The following MACROD2 variants were observed in gnomAD, a reference collection of about 807,000 sequenced individuals.
MACROD2 encodes mono-ADP ribosylhydrolase 2, also known as ADP-ribose glycohydrolase MACROD2.
In MACROD2, 36 loss-of-function variants were observed where a neutral mutation model predicts 70.4. The ratio of observed to expected loss-of-function variants is 0.51; its 90% CI spans 0.39 to 0.68. The LOEUF (loss-of-function observed/expected upper bound fraction) is 0.68, where lower values mean the gene tolerates loss of function less well. Among genes scored for constraint, MACROD2 ranks in the 30% least tolerant of loss-of-function variants. MACROD2 has a pLI of 0.00. For synonymous variants in MACROD2, 172 were observed against 178.8 expected (o/e 0.96, Z 0.30); for missense variants, 496 against 538.4 (o/e 0.92, Z 0.78).
intron 4 of MACROD2, among the ~76,000 whole-genome samples, chr20:14,615,147 G>A (rs932549348): frequency 3.9e-5 from 6 of 152,090 alleles, no homozygotes; most frequent in Non-Finnish European, 8.8e-5. Flanking sequence ...CTTAAGTTGG[G>A]CTGCAGGGGG....
At chr20:14,456,793 T>C (rs1330266092) in intron 3 of MACROD2, among the ~76,000 whole-genome samples, 2 of 138,796 alleles carry the variant, frequency 1.4e-5, no homozygotes, top group Non-Finnish European at 3.0e-5. Flanking sequence ...CTCGGCTCAA[T>C]GCAAGCCCCG....
chr20:14,115,743 C>T (rs897832131), intron 3 of MACROD2, among the ~76,000 whole-genome samples: 1 of 151,980 alleles, frequency 6.6e-6, no homozygotes, highest in Non-Finnish European at 1.5e-5. Context: ...ATTTTTTCTT[C>T]AGTGCTGCAT....
Position 15,416,388 on chromosome 20 carries a change from T to C in MACROD2, c.541-15017T>C, listed in dbSNP as rs1183006641. On this transcript the variant is annotated intron_variant, in intron 6 of 17. Transcript: ENST00000684519. Reference sequence around the variant, plus strand: ...TAATTCCCTTGTTAAATATAAAGTGTGCATTAGCCTTGACTGATGTCTTCC... The same window carrying C: ...TAATTCCCTTGTTAAATATAAAGTGCGCATTAGCCTTGACTGATGTCTTCC... Among the ~76,000 whole-genome samples the C allele has an allele frequency of 2.6e-5, 4 of 152,224 alleles. No individual in the cohort carries two copies. In the East Asian group the frequency reaches 7.7e-4, roughly 29 times the overall value.
intron 12 of MACROD2, among the ~76,000 whole-genome samples, chr20:15,965,220 A>T (rs1366895066): frequency 6.6e-6 from 1 of 152,238 alleles, no homozygotes; most frequent in Non-Finnish European, 1.5e-5. Context: ...GTAGAAACAT[A>T]TCAGAAGGTG....
chr20:14,099,628 A>G (rs564158058), intron 3 of MACROD2, among the ~76,000 whole-genome samples: 20 of 152,268 alleles, frequency 1.3e-4, no homozygotes, highest in South Asian at 1.0e-3. Flanking sequence ...TAGTACTGCA[A>G]TGAACATGGT....
At chr20:14,550,373 C>G (rs968343144) in intron 4 of MACROD2, among the ~76,000 whole-genome samples, 6 of 152,060 alleles carry the variant, frequency 3.9e-5, no homozygotes, top group Non-Finnish European at 7.4e-5. Flanking sequence ...TTGTGTCCCT[C>G]TGAAAATTTT....
At chr20:14,412,482 AG>A (rs2083760545) in intron 3 of MACROD2, among the ~76,000 whole-genome samples, 1 of 152,300 alleles carries the variant, frequency 6.6e-6, no homozygotes, top group Admixed American at 6.5e-5. Context: ...CCCTAGGAGC[AG>A]TTACAGACGT....
chr20:14,818,977 A>C (rs2072807103), intron 5 of MACROD2, among the ~76,000 whole-genome samples: 2 of 151,654 alleles, frequency 1.3e-5, no homozygotes. Context: ...CTAAAATCAC[A>C]AGCTTGGCTG....
At chr20:14,854,077 C>T (rs950893176) in intron 5 of MACROD2, among the ~76,000 whole-genome samples, 2 of 152,040 alleles carry the variant, frequency 1.3e-5, no homozygotes, top group Non-Finnish European at 2.9e-5. Context: ...TTTTAACCTG[C>T]TCCATGACCC....
intron 6 of MACROD2, among the ~76,000 whole-genome samples, chr20:15,401,640 A>T (rs929273088): frequency 4.6e-5 from 7 of 152,232 alleles, no homozygotes; most frequent in Non-Finnish European, 1.0e-4. Flanking sequence ...GGCTGTTAAG[A>T]GGATTAAATT....
At chr20:14,556,967 A>G (rs575334474) in intron 4 of MACROD2, among the ~76,000 whole-genome samples, 3 of 152,120 alleles carry the variant, frequency 2.0e-5, no homozygotes, top group South Asian at 4.1e-4. Context: ...AGATTTTCTG[A>G]TTTTAAAACT....
chr20:14,809,650 T>G (rs1201193625), intron 5 of MACROD2, among the ~76,000 whole-genome samples: 1 of 151,904 alleles, frequency 6.6e-6, no homozygotes, highest in Admixed American at 6.6e-5. Context: ...ATCCAGGAGC[T>G]CATTTTTTTG....
intron 8 of MACROD2, among the ~76,000 whole-genome samples, chr20:15,673,213 C>T (rs2050006916): frequency 6.6e-6 from 1 of 152,188 alleles, no homozygotes; most frequent in South Asian, 2.1e-4. Context: ...ATCCTTCTGA[C>T]ATTTGATTCT....
At chr20:14,944,865 G>T (rs1357971254) in intron 5 of MACROD2, among the ~76,000 whole-genome samples, 3 of 152,018 alleles carry the variant, frequency 2.0e-5, no homozygotes, top group Non-Finnish European at 4.4e-5. Context: ...CCTTCTGCCT[G>T]CCCGTCCCAC....
intron 5 of MACROD2, among the ~76,000 whole-genome samples, chr20:14,882,965 T>A (rs1301364732): frequency 6.6e-6 from 1 of 152,138 alleles, no homozygotes; most frequent in African/African-American, 2.4e-5. Context: ...GTGGTGAGAA[T>A]GGCCACATTT....
chr20:14,735,223 A>G (rs1178628718), intron 5 of MACROD2, among the ~76,000 whole-genome samples: 1 of 152,184 alleles, frequency 6.6e-6, no homozygotes, highest in Non-Finnish European at 1.5e-5. Context: ...GAGAGAAAAT[A>G]TTTGCCTGTC....
At chr20:14,806,646 A>G (rs1301976702) in intron 5 of MACROD2, among the ~76,000 whole-genome samples, 1 of 152,110 alleles carries the variant, frequency 6.6e-6, no homozygotes, top group Non-Finnish European at 1.5e-5. Flanking sequence ...GGTCTTGCTC[A>G]GTGGATCCCA....
intron 5 of MACROD2, among the ~76,000 whole-genome samples, chr20:15,143,261 A>C (rs1252503945): frequency 1.3e-5 from 2 of 152,178 alleles, no homozygotes; most frequent in African/African-American, 4.8e-5. Context: ...TCTGATGGCC[A>C]GTGATGATGA....
At chr20:15,090,889 TA>T (rs1429324097) in intron 5 of MACROD2, among the ~76,000 whole-genome samples, 6 of 152,094 alleles carry the variant, frequency 3.9e-5, no homozygotes, top group Non-Finnish European at 4.4e-5. Flanking sequence ...ATCATTGTCA[TA>T]TAAGTGGCTG....
Sources: allele counts gnomAD v4.1 joint callset (sites outside exome capture counted in the v4.1 genomes callset), GRCh38; gene constraint gnomAD v4.1.1; transcripts MANE v1.5; gene names NCBI Gene and HGNC (gene_info 2026-07-23, HGNC 2026-07-21).